Variants in SLC4A5 observed in about 807,000 individuals in gnomAD.
The protein encoded by SLC4A5 is solute carrier family 4 member 5, also known as electrogenic sodium bicarbonate cotransporter 4.
Under a neutral mutation model 120.4 loss-of-function variants are expected in SLC4A5, and 96 were observed. The observed-to-expected ratio is 0.80, with a 90% CI of 0.68 to 0.94. The LOEUF (loss-of-function observed/expected upper bound fraction) is 0.94. SLC4A5 is among the 40% of genes least tolerant of loss of function. SLC4A5 has a pLI of 0.00. For missense variants in SLC4A5, 1,259 were observed against 1,459.5 expected (o/e 0.86, Z 2.24); for synonymous variants, 550 against 571.1 (o/e 0.96, Z 0.53).
At chr2:74,235,301 T>G (rs575601522) in intron 21 of SLC4A5, 87 bp from the exon 22 acceptor site, 12 of 936,498 alleles carry the variant, frequency 1.3e-5, no homozygotes, top group Middle Eastern at 2.2e-4. Context: ...AGCAAAGAGG[T>G]GAACTATTAC....
At chr2:74,279,287 C>A (rs1671737946) in intron 8 of SLC4A5, among the ~76,000 whole-genome samples, 1 of 152,196 alleles carries the variant, frequency 6.6e-6, no homozygotes, top group Admixed American at 6.5e-5. Context: ...TTCTGCCCTA[C>A]CCCTCCTCAG....
chr2:74,296,096 T>A (rs749116771), intron 7 of SLC4A5, among the ~76,000 whole-genome samples: 4 of 152,198 alleles, frequency 2.6e-5, no homozygotes, highest in Non-Finnish European at 4.4e-5. Context: ...GGTCACTAAC[T>A]CAAGATTCTC....
chr2:74,234,957 C>T, intron 22 of SLC4A5, 144 bp downstream of exon 22: 1 of 639,590 alleles, frequency 1.6e-6, no homozygotes, highest in Non-Finnish European at 2.7e-6. Flanking sequence ...TCCTGGGAGC[C>T]TGTGTTCAGG....
intron 7 of SLC4A5, 40 bp downstream of exon 7, chr2:74,304,449 G>A: frequency 6.4e-7 from 1 of 1,564,516 alleles, no homozygotes; most frequent in East Asian, 2.3e-5. Context: ...GGACACACCA[G>A]CAGGATGGCT....
At chr2:74,262,356 A>T in intron 10 of SLC4A5, 124 bp from the exon 11 acceptor site, 2 of 564,996 alleles carry the variant, frequency 3.5e-6, no homozygotes, top group Non-Finnish European at 6.0e-6. Context: ...CCTTCTGGGA[A>T]GAAATTCTTT....
chr2:74,283,265 C>T (rs1478689969), intron 8 of SLC4A5, among the ~76,000 whole-genome samples: 3 of 152,210 alleles, frequency 2.0e-5, no homozygotes, highest in Admixed American at 2.0e-4. Context: ...GAGCTACTTG[C>T]TCCCCTTCAC....
chr2:74,270,009 C>T (rs1671422675), intron 8 of SLC4A5, among the ~76,000 whole-genome samples: 1 of 152,192 alleles, frequency 6.6e-6, no homozygotes, highest in African/African-American at 2.4e-5. Context: ...CATAGACACA[C>T]AGACAAGGGC....
Position 74,253,139 on chromosome 2 carries a change from G to C in SLC4A5, c.1114-11C>G, listed in dbSNP as rs1670846935. ...CACGTCACTGAAGAGCTGGCGAGGA[G>C]AGAGGAGGGAGAAAAGAAAGATCGG... On this transcript the variant is annotated splice_polypyrimidine_tract_variant and intron_variant, in intron 14 of 30. Coordinates refer to ENST00000394019, the Ensembl canonical transcript of SLC4A5. 6.2e-7 allele frequency: 1 copy of C among 1,613,902 alleles called. No individual in the cohort carries two copies. The highest frequency in any genetic ancestry group is 8.5e-7 in the Non-Finnish European group (1 of 1,179,988).
intron 7 of SLC4A5, among the ~76,000 whole-genome samples, chr2:74,286,149 G>T (rs1329402246): frequency 6.6e-6 from 1 of 152,192 alleles, no homozygotes; most frequent in Admixed American, 6.5e-5. Context: ...GCAGCTGGCA[G>T]TGAAGAATGA....
At chr2:74,226,019 G>A (rs1374497828) in intron 27 of SLC4A5, among the ~76,000 whole-genome samples, 1 of 152,138 alleles carries the variant, frequency 6.6e-6, no homozygotes, top group African/African-American at 2.4e-5. Context: ...CAGCTCTGAG[G>A]CCCCTGAGGG....
chr2:74,251,469 TA>T (rs397968092), intron 16 of SLC4A5, among the ~76,000 whole-genome samples: 206 of 143,380 alleles, frequency 1.4e-3, no homozygotes, highest in East Asian at 7.8e-3. Flanking sequence ...TTATTTTCTT[TA>T]AAAAAAAAAA....
At chr2:74,270,098 T>G (rs1157913595) in intron 8 of SLC4A5, among the ~76,000 whole-genome samples, 1 of 152,222 alleles carries the variant, frequency 6.6e-6, no homozygotes, top group Non-Finnish European at 1.5e-5. Flanking sequence ...AACTAGACTC[T>G]GCTACCAGAA....
intron 6 of SLC4A5, among the ~76,000 whole-genome samples, chr2:74,306,319 T>C (rs1295686877): frequency 1.3e-5 from 2 of 152,274 alleles, no homozygotes; most frequent in Non-Finnish European, 2.9e-5. Context: ...AGCCCCAGGA[T>C]AACTGCCTCT....
At chr2:74,234,429 G>A (rs772958902) in intron 22 of SLC4A5, among the ~76,000 whole-genome samples, 3 of 152,032 alleles carry the variant, frequency 2.0e-5, no homozygotes. Context: ...CGCCCACCTC[G>A]GCCTCCCAAA....
intron 20 of SLC4A5, among the ~76,000 whole-genome samples, chr2:74,240,811 A>G (rs1452384886): frequency 6.6e-6 from 1 of 152,232 alleles, no homozygotes; most frequent in Non-Finnish European, 1.5e-5. Context: ...ATTAAGTTAA[A>G]TTGCCAACTA....
chr2:74,233,343 C>T (rs986670565), intron 23 of SLC4A5, 59 bp downstream of exon 23: 1 of 1,592,376 alleles, frequency 6.3e-7, no homozygotes, highest in Non-Finnish European at 8.6e-7. Flanking sequence ...CCTTCCTTCG[C>T]TCTTTCTGAC....
intron 8 of SLC4A5, among the ~76,000 whole-genome samples, chr2:74,283,376 A>C (rs867367882): frequency 5.9e-5 from 9 of 152,342 alleles, no homozygotes; most frequent in Middle Eastern, 3.4e-3. Flanking sequence ...CAGCACCGTA[A>C]GTGTTCAAAG....
exon 19 of SLC4A5, chr2:74,247,294 C>A: frequency 6.2e-7 from 1 of 1,612,912 alleles, no homozygotes; most frequent in Non-Finnish European, 8.5e-7. Flanking sequence ...TCCATGTAGT[C>A]CAGGCCATTG....
intron 7 of SLC4A5, among the ~76,000 whole-genome samples, chr2:74,292,276 T>C (rs1194443986): frequency 1.3e-5 from 2 of 152,142 alleles, no homozygotes; most frequent in Non-Finnish European, 2.9e-5. Flanking sequence ...TACCAGCCTG[T>C]TCCCTCTAAA....
Sources: gnomAD v4.1 joint callset for allele counts (sites outside exome capture counted in the v4.1 genomes callset) on GRCh38, gnomAD v4.1.1 for gene constraint, MANE v1.5 for transcripts, NCBI Gene and HGNC (gene_info 2026-07-23, HGNC 2026-07-21) for gene names.